CBLN2: variants seen among roughly 807,000 people sequenced by gnomAD.
CBLN2 encodes the protein cerebellin-2.
A neutral mutation model predicts 15.0 loss-of-function variants in CBLN2; 7 were observed. The observed-to-expected ratio is 0.47, with a 90% CI of 0.27 to 0.88. CBLN2 has a LOEUF of 0.88. Ranked by LOEUF, CBLN2 falls within the 40% of genes least tolerant of loss-of-function variation. The pLI, the probability that CBLN2 is intolerant of heterozygous loss-of-function variation, is 0.14. For synonymous variants in CBLN2, 149 were observed against 135.2 expected (o/e 1.10, Z -0.71); for missense variants, 242 against 304.5 (o/e 0.79, Z 1.53).
Position 72,543,807 on chromosome 18 carries a change from C to T in CBLN2, c.-212+170G>A, listed in dbSNP as rs980278627. Among the ~76,000 whole-genome samples the T allele has an allele frequency of 2.6e-5, 4 of 151,858 alleles. No homozygotes were observed. The highest frequency in any genetic ancestry group is 5.9e-5 in the Non-Finnish European group (4 of 67,936). On this transcript the variant is annotated intron_variant, in intron 1 of 4. Transcript: ENST00000269503. The surrounding 1 kb of genome is among the most constrained non-coding windows in gnomAD (Gnocchi z 6.8). The stretch of plus-strand genomic sequence containing the variant: ...GCCCGCACCGCTGCCTGGGGCCCCT[C>T]GAGCTCCCGCGCTCAGCGCGTCCGC...
chr18:72,614,207 T>C (rs990448976), intron 1 of CBLN2, among the ~76,000 whole-genome samples: 15 of 152,132 alleles, frequency 9.9e-5, no homozygotes, highest in South Asian at 2.1e-4. Context: ...TATAAACAAA[T>C]GAAAATATGC....
upstream of CBLN2, among the ~76,000 whole-genome samples, chr18:72,545,507 C>T (rs1315238915): frequency 6.6e-6 from 1 of 152,196 alleles, no homozygotes; most frequent in Non-Finnish European, 1.5e-5. Context: ...GATGCTTTTT[C>T]AAATCCACCA....
intron 1 of CBLN2, among the ~76,000 whole-genome samples, chr18:72,583,503 C>A (rs748941615): frequency 3.9e-5 from 6 of 152,142 alleles, no homozygotes; most frequent in Non-Finnish European, 7.4e-5. Flanking sequence ...GAATGAATTC[C>A]ATTTATCCTG....
intron 1 of CBLN2, among the ~76,000 whole-genome samples, chr18:72,607,075 C>T (rs1427793599): frequency 6.6e-6 from 1 of 152,124 alleles, no homozygotes; most frequent in Non-Finnish European, 1.5e-5. Flanking sequence ...TTATTGGTGT[C>T]CTCAATAAAT....
chr18:72,579,872 G>A (rs924133281), intron 1 of CBLN2, among the ~76,000 whole-genome samples: 5 of 152,058 alleles, frequency 3.3e-5, no homozygotes, highest in African/African-American at 1.2e-4. Context: ...TATTATGTTT[G>A]TCTCCAAGGC....
intron 1 of CBLN2, among the ~76,000 whole-genome samples, chr18:72,549,768 G>T (rs1196445635): frequency 1.3e-5 from 2 of 152,056 alleles, no homozygotes; most frequent in African/African-American, 4.8e-5. Context: ...ATTTTTAATT[G>T]GTAGCTAGGG....
intron 1 of CBLN2, among the ~76,000 whole-genome samples, chr18:72,579,007 A>C (rs2069386306): frequency 6.6e-6 from 1 of 152,156 alleles, no homozygotes; most frequent in South Asian, 2.1e-4. Context: ...TCCTACTGTC[A>C]CCAAGCCTTA....
intron 1 of CBLN2, among the ~76,000 whole-genome samples, chr18:72,552,217 G>A (rs1455631620): frequency 6.6e-6 from 1 of 151,426 alleles, no homozygotes; most frequent in Non-Finnish European, 1.5e-5. Flanking sequence ...CTGAGTAGCT[G>A]GGGTTACAGG....
chr18:72,602,129 T>A (rs1032404387), intron 1 of CBLN2, among the ~76,000 whole-genome samples: 2 of 152,170 alleles, frequency 1.3e-5, no homozygotes, highest in Non-Finnish European at 1.5e-5. Context: ...AACAAAGACA[T>A]CCCCTTCCGG....
intron 1 of CBLN2, among the ~76,000 whole-genome samples, chr18:72,616,636 A>T (rs1285566771): frequency 6.6e-6 from 1 of 151,978 alleles, no homozygotes; most frequent in African/African-American, 2.4e-5. Flanking sequence ...GCATGTGGCA[A>T]TCTCTATAAA....
At chr18:72,617,941 A>G (rs1302188035) in intron 1 of CBLN2, among the ~76,000 whole-genome samples, 1 of 152,210 alleles carries the variant, frequency 6.6e-6, no homozygotes, top group Non-Finnish European at 1.5e-5. Flanking sequence ...CGAGAAAAAG[A>G]AAATTATAGG....
chr18:72,549,815 G>A (rs761794123), intron 1 of CBLN2, among the ~76,000 whole-genome samples: 2 of 152,118 alleles, frequency 1.3e-5, no homozygotes, highest in Non-Finnish European at 2.9e-5. Flanking sequence ...TCTATCAGGG[G>A]TTACTCTGTA....
intron 1 of CBLN2, among the ~76,000 whole-genome samples, chr18:72,600,644 C>T (rs1039798286): frequency 1.3e-5 from 2 of 152,046 alleles, no homozygotes; most frequent in Non-Finnish European, 2.9e-5. Context: ...ACTACACAGA[C>T]AAAATCAATT....
At chr18:72,572,243 T>C (rs747153) in intron 1 of CBLN2, among the ~76,000 whole-genome samples, 73 of 151,930 alleles carry the variant, frequency 4.8e-4, no homozygotes, top group African/African-American at 1.5e-3. Flanking sequence ...TAAGGATCCA[T>C]TATCTGGCAG....
intron 1 of CBLN2, among the ~76,000 whole-genome samples, chr18:72,568,352 G>A (rs548973907): frequency 2.6e-5 from 4 of 152,256 alleles, no homozygotes; most frequent in East Asian, 3.9e-4. Context: ...TGCTGGAGCC[G>A]AGAAGCATCA....
At chr18:72,603,381 CT>C (rs147467527) in intron 1 of CBLN2, among the ~76,000 whole-genome samples, 12,066 of 152,006 alleles carry the variant, frequency 0.079, 497 homozygotes, top group East Asian at 0.13. Context: ...CTGCGGGTCC[CT>C]TTTTTTTCTC....
At chr18:72,555,911 A>G (rs2069224285) in intron 1 of CBLN2, among the ~76,000 whole-genome samples, 1 of 152,122 alleles carries the variant, frequency 6.6e-6, no homozygotes. Flanking sequence ...GTGGAGCAGG[A>G]TGGCTTCAGG....
chr18:72,557,397 C>T (rs2069233321), intron 1 of CBLN2, among the ~76,000 whole-genome samples: 5 of 152,064 alleles, frequency 3.3e-5, no homozygotes, highest in Admixed American at 3.3e-4. Flanking sequence ...GCTATATGCC[C>T]AGTAATGGGA....
At chr18:72,636,662 C>A (rs954322215) in intron 1 of CBLN2, among the ~76,000 whole-genome samples, 1 of 152,140 alleles carries the variant, frequency 6.6e-6, no homozygotes, top group Admixed American at 6.5e-5. Context: ...ATAGATAACA[C>A]CCAACTCTGG....
Sources: gnomAD v4.1 joint callset for allele counts (sites outside exome capture counted in the v4.1 genomes callset) on GRCh38, gnomAD v4.1.1 for gene constraint, Gnocchi (gnomAD v3.1) non-coding constraint, MANE v1.5 for transcripts, NCBI Gene and HGNC (gene_info 2026-07-23, HGNC 2026-07-21) for gene names.